The following RABGAP1L variants were observed in gnomAD, a reference collection of about 807,000 sequenced individuals.
The protein encoded by RABGAP1L is rab GTPase-activating protein 1-like.
RABGAP1L carries 63 observed loss-of-function variants against 137.7 expected under a neutral mutation model. That is an observed-to-expected ratio of 0.46 (90% CI 0.37 to 0.56). RABGAP1L has a LOEUF of 0.56. Among genes scored for constraint, RABGAP1L ranks in the 20% least tolerant of loss-of-function variants. The pLI, the probability that RABGAP1L is intolerant of heterozygous loss-of-function variation, is 0.00. For synonymous variants in RABGAP1L, 431 were observed against 433.7 expected (o/e 0.99, Z 0.08); for missense variants, 1,095 against 1,244.0 (o/e 0.88, Z 1.80).
intron 13 of RABGAP1L, among the ~76,000 whole-genome samples, chr1:174,479,741 T>C (rs1287292556): frequency 6.6e-6 from 1 of 152,206 alleles, no homozygotes; most frequent in Non-Finnish European, 1.5e-5. Flanking sequence ...ATACCAATGG[T>C]GAAGACCATA....
At chr1:174,964,176 C>T (rs981912212) in intron 20 of RABGAP1L, among the ~76,000 whole-genome samples, 6 of 151,994 alleles carry the variant, frequency 3.9e-5, no homozygotes, top group Admixed American at 6.6e-5. Context: ...AAGAGGTATC[C>T]AAAAGAAAAT....
In RABGAP1L at chr1:174,761,860, AAACC is replaced by A. The variant is rs1685254575; in HGVS notation, c.2211+9508_2211+9511del. On this transcript the variant is annotated intron_variant, in intron 18 of 25. Coordinates refer to ENST00000681986, the MANE Select transcript of RABGAP1L (RefSeq NM_001366446.1). The surrounding 1 kb of genome is among the most constrained non-coding windows in gnomAD (Gnocchi z 4.0). ...ATGAGGTTTGGGTGGGGACACAGCC[AAACC>A]ATATCAACAATAAACATAATAAATA... Among the ~76,000 whole-genome samples, 3 of 152,196 alleles carry A rather than the reference AAACC, an allele frequency of 2.0e-5. No individual in the cohort carries two copies. Among genetic ancestry groups the A allele is most frequent in the African/African-American group, 7.2e-5 (3 of 41,446 alleles).
intron 13 of RABGAP1L, among the ~76,000 whole-genome samples, chr1:174,527,192 G>C (rs1025190267): frequency 7.1e-6 from 1 of 140,370 alleles, no homozygotes; most frequent in African/African-American, 2.8e-5. Context: ...GAAAACATAT[G>C]ATTTTTATTT....
At chr1:174,849,413 G>C (rs1052831685) in intron 19 of RABGAP1L, among the ~76,000 whole-genome samples, 3 of 152,068 alleles carry the variant, frequency 2.0e-5, no homozygotes, top group Non-Finnish European at 4.4e-5. Context: ...AAAATAACAC[G>C]CTCTTTTACT....
intron 11 of RABGAP1L, among the ~76,000 whole-genome samples, chr1:174,348,451 TATTTATTTTTTTTA>T: frequency 6.7e-6 from 1 of 150,212 alleles, no homozygotes; most frequent in South Asian, 2.1e-4. Context: ...TTTATTTATT[TATTTATTTTTTTTA>T]ATTTATTTTT....
chr1:174,736,157 A>G (rs1682927228), intron 17 of RABGAP1L, among the ~76,000 whole-genome samples: 3 of 152,326 alleles, frequency 2.0e-5, no homozygotes, highest in Non-Finnish European at 4.4e-5. Flanking sequence ...TGGAGATGAG[A>G]TCCTTCTACC....
chr1:174,355,549 C>T (rs1683559438), intron 11 of RABGAP1L, among the ~76,000 whole-genome samples: 1 of 151,292 alleles, frequency 6.6e-6, no homozygotes, highest in Non-Finnish European at 1.5e-5. Context: ...ACCAACATGG[C>T]ACATGTATAC....
intron 18 of RABGAP1L, among the ~76,000 whole-genome samples, chr1:174,778,389 A>G (rs1454001022): frequency 6.6e-6 from 1 of 152,226 alleles, no homozygotes; most frequent in Non-Finnish European, 1.5e-5. Flanking sequence ...TGAAAATGTT[A>G]AAGGAAGTCC....
chr1:174,962,390 T>C (rs1446790551), intron 20 of RABGAP1L, among the ~76,000 whole-genome samples: 1 of 152,176 alleles, frequency 6.6e-6, no homozygotes, highest in Non-Finnish European at 1.5e-5. Context: ...TTCAGTACAA[T>C]TAAATTTAGA....
intron 13 of RABGAP1L, among the ~76,000 whole-genome samples, chr1:174,460,749 G>C (rs934504335): frequency 7.9e-5 from 12 of 151,988 alleles, no homozygotes; most frequent in Non-Finnish European, 1.6e-4. Flanking sequence ...AAAGGAATTT[G>C]ATTTTTTACT....
chr1:174,931,167 T>A (rs1663730480), intron 19 of RABGAP1L, among the ~76,000 whole-genome samples: 2 of 152,318 alleles, frequency 1.3e-5, no homozygotes, highest in South Asian at 4.1e-4. Context: ...TGGGAATGAA[T>A]ATGTGTCCAG....
intron 13 of RABGAP1L, among the ~76,000 whole-genome samples, chr1:174,463,406 G>A (rs771289393): frequency 3.3e-5 from 5 of 150,376 alleles, no homozygotes; most frequent in South Asian, 2.1e-4. Flanking sequence ...GTAAACTATC[G>A]CAAAAACAAA....
At chr1:174,483,928 T>C in intron 13 of RABGAP1L, among the ~76,000 whole-genome samples, 1 of 152,208 alleles carries the variant, frequency 6.6e-6, no homozygotes, top group East Asian at 1.9e-4. Flanking sequence ...TACTCAATAG[T>C]GGAATTGCTG....
At chr1:174,874,857 C>T (rs187480909) in intron 19 of RABGAP1L, among the ~76,000 whole-genome samples, 10 of 152,168 alleles carry the variant, frequency 6.6e-5, no homozygotes, top group African/African-American at 1.9e-4. Flanking sequence ...ATATAGTACA[C>T]TTAATAAGGG....
chr1:174,439,963 T>A (rs1364014659), intron 13 of RABGAP1L, among the ~76,000 whole-genome samples: 1 of 152,060 alleles, frequency 6.6e-6, no homozygotes, highest in Non-Finnish European at 1.5e-5. Context: ...TCTGGTCTGG[T>A]TCCCTGTGAG....
At chr1:174,468,597 A>G (rs543396907) in intron 13 of RABGAP1L, among the ~76,000 whole-genome samples, 12 of 152,334 alleles carry the variant, frequency 7.9e-5, no homozygotes, top group African/African-American at 2.4e-4. Flanking sequence ...GTAGTATGAA[A>G]CAGTGAATTT....
At chr1:174,987,622 G>GCACGGTGATGGA (rs1553301275) in intron 24 of RABGAP1L, among the ~76,000 whole-genome samples, 2 of 152,176 alleles carry the variant, frequency 1.3e-5, no homozygotes, top group African/African-American at 2.4e-5. Flanking sequence ...AGGAGGATGG[G>GCACGGTGATGGA]CACGGTGATG....
intron 13 of RABGAP1L, among the ~76,000 whole-genome samples, chr1:174,615,069 C>T (rs1360353004): frequency 2.0e-5 from 3 of 152,198 alleles, no homozygotes; most frequent in African/African-American, 7.2e-5. Flanking sequence ...AAGCCTTCTT[C>T]TCTCAACTCG....
chr1:174,448,185 A>T lies in RABGAP1L; in HGVS notation c.1710+54040A>T. On this transcript the variant is annotated intron_variant, in intron 13 of 25. Coordinates refer to ENST00000681986, the MANE Select transcript of RABGAP1L (RefSeq NM_001366446.1). The surrounding 1 kb of genome is among the most constrained non-coding windows in gnomAD (Gnocchi z 4.2). ...GGCATTGTGAATGTGTCCGAGCGTC[A>T]CTCCTGCCCACTTGGATTTGGCCAC... 1 of 1,613,512 alleles carries T rather than the reference A, an allele frequency of 6.2e-7. No individual in the cohort carries two copies. Among genetic ancestry groups the T allele is most frequent in the Non-Finnish European group, 8.5e-7 (1 of 1,179,668 alleles).
Sources: gnomAD v4.1 joint callset for allele counts (sites outside exome capture counted in the v4.1 genomes callset) on GRCh38, gnomAD v4.1.1 for gene constraint, Gnocchi (gnomAD v3.1) non-coding constraint, MANE v1.5 for transcripts, NCBI Gene and HGNC (gene_info 2026-07-23, HGNC 2026-07-21) for gene names.